The following LINGO2 variants were observed in gnomAD, a reference collection of about 807,000 sequenced individuals.
LINGO2 encodes leucine rich repeat and Ig domain containing 2.
A neutral mutation model predicts 30.6 loss-of-function variants in LINGO2; 14 were observed. That is an observed-to-expected ratio of 0.46 (90% CI 0.30 to 0.72). The LOEUF is 0.72. Ranked by LOEUF, LINGO2 falls within the 30% of genes least tolerant of loss-of-function variation. The pLI, the probability that LINGO2 is intolerant of heterozygous loss-of-function variation, is 0.07. For missense variants in LINGO2, 729 were observed against 751.7 expected, an observed-to-expected ratio of 0.97 and a Z score of 0.35; for synonymous variants, 317 against 288.5, an observed-to-expected ratio of 1.10 and a Z score of -1.00.
chr9:27,994,104 A>T (rs1478371207), intron 5 of LINGO2, among the ~76,000 whole-genome samples: 1 of 152,098 alleles, frequency 6.6e-6, no homozygotes, highest in South Asian at 2.1e-4. Context: ...CTTGAGACAC[A>T]TTAAAATGGA....
At chr9:28,227,083 T>C (rs531744980) in intron 4 of LINGO2, among the ~76,000 whole-genome samples, 2 of 152,246 alleles carry the variant, frequency 1.3e-5, no homozygotes, top group Admixed American at 6.5e-5. Flanking sequence ...TCTAAAGAGC[T>C]TGGCAAAGTG....
At chr9:28,987,760 A>G in the LINGO2 span, among the ~76,000 whole-genome samples, 1 of 152,132 alleles carries the variant, frequency 6.6e-6, no homozygotes, top group Non-Finnish European at 1.5e-5. Context: ...TCATCTAAAG[A>G]TATTTTAAAA....
chr9:28,374,928 A>T (rs1272304493), intron 2 of LINGO2, among the ~76,000 whole-genome samples: 2 of 152,132 alleles, frequency 1.3e-5, no homozygotes, highest in Non-Finnish European at 2.9e-5. Context: ...GGAAATTAAA[A>T]AGATAAGGAC....
the LINGO2 span, among the ~76,000 whole-genome samples, chr9:28,731,854 G>T: frequency 6.6e-6 from 1 of 152,108 alleles, no homozygotes; most frequent in East Asian, 1.9e-4. Context: ...GCTGGGAAAA[G>T]GGTACATGAC....
intron 4 of LINGO2, among the ~76,000 whole-genome samples, chr9:28,166,257 C>G (rs1459117942): frequency 6.6e-6 from 1 of 152,200 alleles, no homozygotes; most frequent in Non-Finnish European, 1.5e-5. Flanking sequence ...AACTACAACA[C>G]AATCTATCAT....
At chr9:28,741,000 G>T in the LINGO2 span, among the ~76,000 whole-genome samples, 1 of 151,912 alleles carries the variant, frequency 6.6e-6, no homozygotes, top group Admixed American at 6.6e-5. Context: ...GTGCTGGGAT[G>T]GTCCTGGTAC....
chr9:28,762,389 G>A, the LINGO2 span, among the ~76,000 whole-genome samples: 18 of 151,882 alleles, frequency 1.2e-4, no homozygotes, highest in Admixed American at 2.6e-4. Context: ...CTCCCCCAAG[G>A]TGCTCTTTAG....
intron 4 of LINGO2, among the ~76,000 whole-genome samples, chr9:28,282,139 C>T (rs1015881709): frequency 2.9e-4 from 44 of 152,200 alleles, no homozygotes; most frequent in African/African-American, 9.4e-4. Flanking sequence ...AATGCAATTA[C>T]GTTCTGATTC....
the LINGO2 span, among the ~76,000 whole-genome samples, chr9:29,188,442 T>A: frequency 2.0e-5 from 3 of 152,154 alleles, no homozygotes; most frequent in Admixed American, 2.0e-4. Flanking sequence ...ACAGCAACCA[T>A]CCGATTTCTC....
the LINGO2 span, among the ~76,000 whole-genome samples, chr9:29,069,949 C>T: frequency 5.3e-5 from 8 of 152,010 alleles, no homozygotes; most frequent in Non-Finnish European, 8.8e-5. Context: ...AACAGCCAGG[C>T]GGGATAGTTA....
chr9:28,958,399 G>C, the LINGO2 span, among the ~76,000 whole-genome samples: 1 of 152,230 alleles, frequency 6.6e-6, no homozygotes, highest in African/African-American at 2.4e-5. Context: ...GACAATAGAA[G>C]CAAAAGATAA....
At chr9:28,777,787 GC>G in the LINGO2 span, among the ~76,000 whole-genome samples, 1 of 152,142 alleles carries the variant, frequency 6.6e-6, no homozygotes, top group Non-Finnish European at 1.5e-5. Flanking sequence ...TTAAGTCCTG[GC>G]CATAACTATG....
chr9:28,212,496 A>C (rs1820625954), intron 4 of LINGO2, among the ~76,000 whole-genome samples: 1 of 151,438 alleles, frequency 6.6e-6, no homozygotes, highest in South Asian at 2.1e-4. Flanking sequence ...TACGATGTAC[A>C]TATGAACTGG....
chr9:29,151,257 G>T, the LINGO2 span, among the ~76,000 whole-genome samples: 2 of 152,166 alleles, frequency 1.3e-5, no homozygotes, highest in African/African-American at 4.8e-5. Flanking sequence ...AGGTCTTTAA[G>T]AGAGTGCTAA....
chr9:28,266,693 A>G (rs555988208), intron 4 of LINGO2, among the ~76,000 whole-genome samples: 1 of 152,032 alleles, frequency 6.6e-6, no homozygotes, highest in Non-Finnish European at 1.5e-5. Context: ...CAGTTAAACC[A>G]GAAAGGCAAA....
chr9:28,717,691 T>C, the LINGO2 span, among the ~76,000 whole-genome samples: 7 of 151,904 alleles, frequency 4.6e-5, no homozygotes, highest in Admixed American at 3.3e-4. Flanking sequence ...AGTAGGCAAA[T>C]ATTTTCAACA....
chr9:28,817,237 TAA>T, the LINGO2 span, among the ~76,000 whole-genome samples: 5 of 148,340 alleles, frequency 3.4e-5, no homozygotes, highest in Admixed American at 6.7e-5. Flanking sequence ...TGACTTAAGA[TAA>T]AAAAAAAAGG....
At chr9:28,405,116 G>A (rs935962015) in intron 2 of LINGO2, among the ~76,000 whole-genome samples, 1 of 151,938 alleles carries the variant, frequency 6.6e-6, no homozygotes, top group South Asian at 2.1e-4. Flanking sequence ...CCCTGCCAAG[G>A]GATCTTATTG....
At chr9:28,174,328 G>T (rs2133677381) in intron 4 of LINGO2, among the ~76,000 whole-genome samples, 1 of 152,226 alleles carries the variant, frequency 6.6e-6, no homozygotes, top group Non-Finnish European at 1.5e-5. Context: ...AAGCATACTG[G>T]GTCAGAACAC....
Sources: allele counts gnomAD v4.1 joint callset (sites outside exome capture counted in the v4.1 genomes callset), GRCh38; gene constraint gnomAD v4.1.1; transcripts MANE v1.5; gene names NCBI Gene and HGNC (gene_info 2026-07-23, HGNC 2026-07-21).